Variants in RIPK4 observed in about 807,000 individuals in gnomAD.
RIPK4 encodes receptor interacting serine/threonine kinase 4, also known as receptor-interacting serine/threonine-protein kinase 4.
In RIPK4, 17 loss-of-function variants were observed where a neutral mutation model predicts 42.9. That is an observed-to-expected ratio of 0.40 (90% CI 0.27 to 0.59). RIPK4 has a LOEUF of 0.59. Ranked by LOEUF, RIPK4 falls within the 20% of genes least tolerant of loss-of-function variation. The pLI, the probability that RIPK4 is intolerant of heterozygous loss-of-function variation, is 0.47. For missense variants in RIPK4, 897 were observed against 1,104.4 expected (o/e 0.81, Z 2.66); for synonymous variants, 498 against 499.1 (o/e 1.00, Z 0.03).
chr21:41,764,304 G>T (rs1219399697), intron 1 of RIPK4, among the ~76,000 whole-genome samples: 1 of 152,204 alleles, frequency 6.6e-6, no homozygotes, highest in African/African-American at 2.4e-5. Context: ...GGAGACCCCA[G>T]ACCACCTTGA....
rs148947402 is a variant in RIPK4, at chr21:41,740,868, G to A, written c.2325C>T (p.Ala775=). 1.2e-4 allele frequency: 192 copies of A among 1,610,120 alleles called. No individual in the cohort carries two copies. In the East Asian group the frequency reaches 3.7e-3, roughly 31 times the overall value. The change falls in exon 8 of 8, where the codon GCC becomes GCT. Residue 775 remains alanine (A), a synonymous_variant. Coordinates refer to ENST00000332512, the MANE Select transcript of RIPK4 (RefSeq NM_020639.3). ...TCTTGCTTCGCCGCAGGAGCGTGGCGGCGGGGCCATGGCCGCCCTGGAACT... is the reference window on the plus strand; with the variant it reads ...TCTTGCTTCGCCGCAGGAGCGTGGCAGCGGGGCCATGGCCGCCCTGGAACT... ...SLKFQGGHGP[A]ATLLRRSKT is the part of the protein sequence containing the mutation.
intron 2 of RIPK4, among the ~76,000 whole-genome samples, chr21:41,753,352 C>A (rs1285718926): frequency 6.6e-6 from 1 of 152,214 alleles, no homozygotes; most frequent in African/African-American, 2.4e-5. Context: ...AGCCTTTTCT[C>A]CTCCTGTCTT....
At chr21:41,754,202 T>C (rs1021076096) in intron 2 of RIPK4, among the ~76,000 whole-genome samples, 1 of 152,224 alleles carries the variant, frequency 6.6e-6, no homozygotes, top group African/African-American at 2.4e-5. Context: ...GGTCAGTCCA[T>C]GCAAAGCTTC....
chr21:41,757,286 C>T (rs2061206494), intron 1 of RIPK4, among the ~76,000 whole-genome samples: 1 of 151,994 alleles, frequency 6.6e-6, no homozygotes, highest in African/African-American at 2.4e-5. Context: ...TTTGACAGGC[C>T]AAGGCGGATG....
chr21:41,750,844 A>C (rs2061186329), intron 3 of RIPK4, among the ~76,000 whole-genome samples: 1 of 152,056 alleles, frequency 6.6e-6, no homozygotes, highest in Admixed American at 6.5e-5. Flanking sequence ...AGCTGGGCTA[A>C]TTTTTGTATT....
chr21:41,754,077 T>C (rs2061195955), intron 2 of RIPK4, among the ~76,000 whole-genome samples: 1 of 152,158 alleles, frequency 6.6e-6, no homozygotes, highest in Non-Finnish European at 1.5e-5. Flanking sequence ...AGGGAGCCCA[T>C]CTCAGAGGCG....
intron 4 of RIPK4, among the ~76,000 whole-genome samples, chr21:41,748,537 G>A (rs577948011): frequency 3.3e-4 from 51 of 152,374 alleles, no homozygotes; most frequent in African/African-American, 1.2e-3. Flanking sequence ...TGCCACTCCT[G>A]CAAGCAACTC....
intron 5 of RIPK4, 72 bp downstream of exon 5, chr21:41,746,541 C>T: frequency 1.3e-6 from 2 of 1,560,964 alleles, no homozygotes; most frequent in African/African-American, 1.3e-5. Context: ...TGGTCCCTCA[C>T]CCTGTCCTGT....
chr21:41,742,093 G>A lies in RIPK4; in HGVS notation c.1196-96C>T. The stretch of plus-strand genomic sequence containing the variant: ...GGCTGTGGCGCTCAGGTGGAGGAGT[G>A]CCATGGCCTCCAGGCTGCTCGCTGG... On this transcript the variant is annotated intron_variant, in intron 7 of 7. Coordinates refer to ENST00000332512, the MANE Select transcript of RIPK4 (RefSeq NM_020639.3). This position sits in a 1 kb window ranked among gnomAD's most constrained non-coding sequence, Gnocchi z 5.1. 9.1e-7 allele frequency: 1 copy of A among 1,095,502 alleles called. No individual in the cohort carries two copies. Among genetic ancestry groups the A allele is most frequent in the South Asian group, 1.5e-5 (1 of 66,220 alleles). The allele number at this position is 1,095,502 out of a possible 1,614,324, so 67.9% of individuals were successfully genotyped here.
intron 6 of RIPK4, among the ~76,000 whole-genome samples, 191 bp downstream of exon 6, chr21:41,745,568 C>T (rs550013772): frequency 6.6e-6 from 1 of 152,230 alleles, no homozygotes; most frequent in Non-Finnish European, 1.5e-5. Context: ...GGAGGTGGGG[C>T]GGGGATGCAG....
chr21:41,765,329 A>G (rs867163346), intron 1 of RIPK4, among the ~76,000 whole-genome samples: 37 of 152,338 alleles, frequency 2.4e-4, no homozygotes, highest in Middle Eastern at 6.8e-3. Context: ...TCCTGGCCTG[A>G]GAAGTTCCCA....
At position 41,764,417 on chromosome 21, in the gene RIPK4, C is replaced by A. The variant is rs142274313; in HGVS notation, c.182+2443G>T. ...CTAGACCATCACTGACCCCCAGCAG[C>A]CTGGAAGAGGCCCAGACCCGTGTGT... is the stretch of plus-strand genomic sequence containing the variant. On this transcript the variant is annotated intron_variant, in intron 1 of 7. Coordinates refer to ENST00000332512, the MANE Select transcript of RIPK4 (RefSeq NM_020639.3). 3.3e-3 allele frequency among the ~76,000 whole-genome samples: 507 copies of A among 152,218 alleles called. 1 individual carries two copies. Among genetic ancestry groups the A allele is most frequent in the Non-Finnish European group, 6.0e-3 (407 of 68,012 alleles).
chr21:41,746,215 G>A (rs1277379317), intron 5 of RIPK4: 2 of 611,438 alleles, frequency 3.3e-6, no homozygotes, highest in South Asian at 1.6e-5. Context: ...TCATCAGGGT[G>A]ACTTTCCTAT....
intron 4 of RIPK4, among the ~76,000 whole-genome samples, chr21:41,748,452 C>T (rs927197120): frequency 6.6e-6 from 1 of 152,208 alleles, no homozygotes; most frequent in Non-Finnish European, 1.5e-5. Context: ...GGTGTGACAA[C>T]TTTGAGGATG....
rs2061180506 is a variant in RIPK4, at chr21:41,749,155, T to C, written c.672A>G (p.Ala224=). ...WGVLTQKKPF[A]DEKNILHIMV... ...CACCTCAAAGACAGGTCCACTCACC[T>C]GCAAACGGCTTCTTCTGTGTGAGCA... The change falls in exon 4 of 8, where the codon GCA becomes GCG. Residue 224 remains alanine, a splice_region_variant and synonymous_variant. Coordinates refer to ENST00000332512, the MANE Select transcript of RIPK4 (RefSeq NM_020639.3). 6.2e-7 allele frequency: 1 copy of C among 1,613,776 alleles called. No homozygotes were observed. The highest frequency in any genetic ancestry group is 8.5e-7 in the Non-Finnish European group (1 of 1,179,808).
chr21:41,751,210 C>T lies in RIPK4; in HGVS notation c.510G>A (p.Leu170=), dbSNP rs142075883. 3 of 1,614,238 alleles carry T rather than the reference C, an allele frequency of 1.9e-6. No homozygotes were observed. The highest frequency in any genetic ancestry group is 1.6e-4 in the Middle Eastern group (1 of 6,062). Residue 170 remains leucine, a synonymous_variant, in exon 3 of 8, where the codon CTG becomes CTA. Transcript: ENST00000332512. This position sits in a 1 kb window ranked among gnomAD's most constrained non-coding sequence, Gnocchi z 4.5. ...CCATGCTGAGGTCATGCGAGTGGGA[C>T]AGCCCGTTGCACTTGGCCAGACCAA... ...SDFGLAKCNG[L]SHSHDLSMDG... is the part of the protein sequence containing the mutation.
rs756228052 is a variant in RIPK4 at position 41,741,303 on chromosome 21, G to C, written c.1890C>G (p.Val630=). 11 of 1,608,236 alleles carry C rather than the reference G, an allele frequency of 6.8e-6. No individual in the cohort carries two copies. In the East Asian group the frequency reaches 2.5e-4, roughly 36 times the overall value. ...ARILIDLCSD[V]NVCSLLAQTP... The stretch of plus-strand genomic sequence containing the variant: ...TCTGTGCCAGCAGGCTGCAGACGTT[G>C]ACGTCGGAGCACAGGTCGATGAGGA... The change falls in exon 8 of 8, where the codon GTC becomes GTG. Residue 630 remains valine (V), a synonymous_variant. Transcript: ENST00000332512.
At position 41,766,940 on chromosome 21, in the gene RIPK4, C is replaced by A; in HGVS notation, c.102G>T (p.Gly34=). 6.8e-6 allele frequency: 11 copies of A among 1,609,596 alleles called. No individual in the cohort carries two copies. Among genetic ancestry groups the A allele is most frequent in the Non-Finnish European group, 8.5e-6 (10 of 1,178,408 alleles). The stretch of plus-strand genomic sequence containing the variant: ...GGACATGGCGCACCTTGTACACCTG[C>A]CCGAAGCCGCCCGAGCCCACCTTCT... ...GWEKVGSGGF[G]QVYKVRHVHW... Residue 34 remains glycine, a synonymous_variant, in exon 1 of 8, where the codon GGG becomes GGT. Coordinates refer to ENST00000332512, the MANE Select transcript of RIPK4 (RefSeq NM_020639.3).
chr21:41,743,804 G>GTT (rs1569100004), intron 7 of RIPK4, 78 bp downstream of exon 7: 1 of 1,481,986 alleles, frequency 6.7e-7, no homozygotes, highest in Non-Finnish European at 9.0e-7. Context: ...CCTTGATTCC[G>GTT]TTTAGCTTCT....
Sources: gnomAD v4.1 joint callset for allele counts (sites outside exome capture counted in the v4.1 genomes callset) on GRCh38, gnomAD v4.1.1 for gene constraint, Gnocchi (gnomAD v3.1) non-coding constraint, MANE v1.5 for transcripts, NCBI Gene and HGNC (gene_info 2026-07-23, HGNC 2026-07-21) for gene names.